The following UBXN7 variants were observed in gnomAD, a reference collection of about 807,000 sequenced individuals.
UBXN7 encodes the protein UBX domain protein 7, also known as UBX domain-containing protein 7.
In UBXN7, 9 loss-of-function variants were observed where a neutral mutation model predicts 58.0. The observed-to-expected ratio is 0.16, with a 90% CI of 0.09 to 0.27. The LOEUF (loss-of-function observed/expected upper bound fraction) is 0.27, where lower values mean the gene tolerates loss of function less well. UBXN7 is among the 10% of genes least tolerant of loss of function. The probability of loss-of-function intolerance (pLI) is 1.00; values close to 1 mark genes in which losing one functional copy is unlikely to be tolerated. For missense variants in UBXN7, 328 were observed against 599.6 expected, an observed-to-expected ratio of 0.55 and a Z score of 4.73; for synonymous variants, 208 against 205.0, an observed-to-expected ratio of 1.01 and a Z score of -0.12.
chr3:196,412,986 G>C (rs982376296), intron 1 of UBXN7, among the ~76,000 whole-genome samples: 13 of 152,002 alleles, frequency 8.6e-5, no homozygotes, highest in Admixed American at 4.6e-4. Context: ...TTATAGAGAG[G>C]GACGGTGGTA....
intron 5 of UBXN7, among the ~76,000 whole-genome samples, chr3:196,377,165 G>A (rs1029217955): frequency 6.6e-6 from 1 of 152,128 alleles, no homozygotes; most frequent in South Asian, 2.1e-4. Context: ...AGACCCCGTG[G>A]ACACACAACA....
intron 1 of UBXN7, among the ~76,000 whole-genome samples, chr3:196,420,747 C>A (rs1029936235): frequency 6.6e-6 from 1 of 152,088 alleles, no homozygotes; most frequent in African/African-American, 2.4e-5. Context: ...CACCAAACGG[C>A]CTTCCTTAAC....
chr3:196,367,766 A>C (rs1052066206), intron 8 of UBXN7, among the ~76,000 whole-genome samples: 2 of 152,186 alleles, frequency 1.3e-5, no homozygotes, highest in Non-Finnish European at 2.9e-5. Flanking sequence ...CTTCCTTCTA[A>C]ATCCAGATCC....
At chr3:196,408,453 AT>A (rs1217808798) in intron 1 of UBXN7, among the ~76,000 whole-genome samples, 1 of 152,236 alleles carries the variant, frequency 6.6e-6, no homozygotes, top group Non-Finnish European at 1.5e-5. Context: ...CATGTCCAGC[AT>A]AGCTTCAGTT....
chr3:196,427,548 C>T (rs1203471264), intron 1 of UBXN7, among the ~76,000 whole-genome samples: 1 of 152,178 alleles, frequency 6.6e-6, no homozygotes, highest in Non-Finnish European at 1.5e-5. Flanking sequence ...AAGCTCCTGA[C>T]CTCCGGTGAT....
At chr3:196,358,139 G>A (rs555353614) in intron 10 of UBXN7, among the ~76,000 whole-genome samples, 6 of 152,176 alleles carry the variant, frequency 3.9e-5, no homozygotes, top group African/African-American at 9.6e-5. Context: ...GATGAACCAC[G>A]TGCGAGCTGA....
chr3:196,404,659 T>C (rs1386779127), intron 2 of UBXN7, among the ~76,000 whole-genome samples: 3 of 152,146 alleles, frequency 2.0e-5, no homozygotes, highest in African/African-American at 2.4e-5. Context: ...TGAAATGAAG[T>C]AGGAATACTC....
intron 5 of UBXN7, among the ~76,000 whole-genome samples, chr3:196,376,497 G>C (rs572330318): frequency 1.5e-5 from 2 of 130,972 alleles, no homozygotes; most frequent in African/African-American, 2.9e-5. Flanking sequence ...AGTGAGCTGA[G>C]ATCGCGCCAC....
At chr3:196,379,938 G>A (rs961534377) in intron 5 of UBXN7, among the ~76,000 whole-genome samples, 6 of 152,130 alleles carry the variant, frequency 3.9e-5, no homozygotes, top group South Asian at 2.1e-4. Flanking sequence ...AATTCAGGGC[G>A]AGCCTATAGA....
chr3:196,374,272 CTT>C (rs66511935), intron 5 of UBXN7, among the ~76,000 whole-genome samples: 14 of 149,862 alleles, frequency 9.3e-5, no homozygotes, highest in Admixed American at 6.6e-4. Context: ...GGAAGAGTCA[CTT>C]TTTTTTTTCG....
In UBXN7 at chr3:196,417,066, A is replaced by C. The variant is rs191352862; in HGVS notation, c.74-9673T>G. Among the ~76,000 whole-genome samples the C allele has an allele frequency of 2.9e-3, 445 of 152,264 alleles. 2 individuals are homozygous for C. The highest frequency in any genetic ancestry group is 6.7e-3 in the African/African-American group (278 of 41,582). ...CGGCGGCTCACGCCTGTAATCCCAG[A>C]ACTTTGGGGGGCCGAGGCGGGCGGA... is the stretch of plus-strand genomic sequence containing the variant. On this transcript the variant is annotated intron_variant, in intron 1 of 10. Coordinates refer to ENST00000296328, the MANE Select transcript of UBXN7 (RefSeq NM_015562.2).
intron 8 of UBXN7, among the ~76,000 whole-genome samples, chr3:196,364,012 A>G (rs771367004): frequency 6.6e-6 from 1 of 152,202 alleles, no homozygotes; most frequent in Non-Finnish European, 1.5e-5. Flanking sequence ...TTTTAACTAT[A>G]AAGTCAAAAC....
intron 5 of UBXN7, among the ~76,000 whole-genome samples, chr3:196,374,659 T>C (rs1282301037): frequency 1.3e-5 from 2 of 150,498 alleles, no homozygotes; most frequent in African/African-American, 4.9e-5. Context: ...GGTGGGTGGA[T>C]CACCTGAGGT....
intron 3 of UBXN7, chr3:196,397,615 C>G (rs940705251): frequency 1.3e-5 from 2 of 152,238 alleles, no homozygotes; most frequent in African/African-American, 4.8e-5. Flanking sequence ...CTTAGGTCAT[C>G]TGGTGTCCTC....
Position 196,362,452 on chromosome 3 carries a change from T to C in UBXN7, c.1070A>G (p.His357Arg), listed in dbSNP as rs1728531998. The change falls in exon 9 of 11, where the codon CAT becomes CGT. Residue 357 changes from histidine (H) to arginine (R), a missense_variant. This residue lies in a region of UBXN7 where 66 missense variants were observed against 77.9 expected (regional missense o/e 0.85). Coordinates refer to ENST00000296328, the MANE Select transcript of UBXN7 (RefSeq NM_015562.2). ...SRKSPHKDLG[H>R]RKEENRRPLT... ...CGGCCTTCTATTCTCCTCTTTTCTATGCCCCAAATCTTTGTGGGGAGACTT... is the reference window on the plus strand; with the variant it reads ...CGGCCTTCTATTCTCCTCTTTTCTACGCCCCAAATCTTTGTGGGGAGACTT... 1 of 1,614,204 alleles carries C rather than the reference T, an allele frequency of 6.2e-7. No homozygotes were observed. Among genetic ancestry groups the C allele is most frequent in the East Asian group, 2.2e-5 (1 of 44,882 alleles).
At chr3:196,412,674 A>C (rs1730368904) in intron 1 of UBXN7, among the ~76,000 whole-genome samples, 1 of 152,234 alleles carries the variant, frequency 6.6e-6, no homozygotes, top group South Asian at 2.1e-4. Flanking sequence ...GAAGCCACCC[A>C]AGTATACATC....
intron 3 of UBXN7, chr3:196,400,505 G>GGGCCAGGGCCAA (rs1729926460): frequency 6.4e-6 from 1 of 157,192 alleles, no homozygotes; most frequent in African/African-American, 2.4e-5. Context: ...ACTCCAATAT[G>GGGCCAGGGCCAA]GGCCAAGGCC....
rs1246922196 is a variant in UBXN7 at position 196,355,800 on chromosome 3, G to C, written c.*885C>G. 3 of 152,204 alleles carry C rather than the reference G, an allele frequency of 2.0e-5. No homozygotes were observed. The highest frequency in any genetic ancestry group is 7.2e-5 in the African/African-American group (3 of 41,440). 9.4% of individuals were successfully genotyped at this position (152,204 alleles called of 1,614,324 possible). A position where few individuals can be genotyped will look rare whatever the true frequency, so the allele number is the denominator to read the frequency against. On this transcript the variant is annotated 3_prime_UTR_variant, in exon 11 of 11. Coordinates refer to ENST00000296328, the MANE Select transcript of UBXN7 (RefSeq NM_015562.2). ...TGTACTACATGATTATTGACCAGCT[G>C]CCTTCCTACAGATCACTGCAGACTC...
chr3:196,372,159 G>A (rs992930956), intron 5 of UBXN7, 117 bp from the exon 6 acceptor site: 23 of 1,104,988 alleles, frequency 2.1e-5, no homozygotes, highest in South Asian at 1.4e-4. Context: ...TGCCAGATAC[G>A]ACATCTAGAG....
Sources: gnomAD v4.1 joint callset for allele counts (sites outside exome capture counted in the v4.1 genomes callset) on GRCh38, gnomAD v4.1.1 for gene constraint, gnomAD v4.1.1 regional missense constraint, MANE v1.5 for transcripts, NCBI Gene and HGNC (gene_info 2026-07-23, HGNC 2026-07-21) for gene names.